The following SRD5A2 variants were observed in gnomAD, a reference collection of about 807,000 sequenced individuals.
SRD5A2 encodes the protein steroid 5 alpha-reductase 2.
Under a neutral mutation model 27.4 loss-of-function variants are expected in SRD5A2, and 30 were observed. The ratio of observed to expected loss-of-function variants is 1.10; its 90% CI spans 0.82 to 1.49. SRD5A2 has a LOEUF of 1.49. Among genes scored for constraint, SRD5A2 ranks in the 40% most tolerant of loss-of-function variants. The pLI is 0.00. For synonymous variants in SRD5A2, 141 were observed against 133.6 expected, an observed-to-expected ratio of 1.06 and a Z score of -0.38; for missense variants, 348 against 323.4, an observed-to-expected ratio of 1.08 and a Z score of -0.58.
At chr2:31,581,614 C>G (rs28382993), upstream of SRD5A2, among the ~76,000 whole-genome samples, 472 of 152,306 alleles carry the variant, frequency 3.1e-3, no homozygotes, top group African/African-American at 0.011. Flanking sequence ...GAGCCGCCTG[C>G]CTGGGTCAGA....
chr2:31,638,997 T>C, the SRD5A2 span, among the ~76,000 whole-genome samples: 1 of 152,090 alleles, frequency 6.6e-6, no homozygotes, highest in African/African-American at 2.4e-5. Context: ...TCTTCCCCCC[T>C]TCTTTTCCTA....
chr2:31,534,715 C>A (rs1665989367), intron 1 of SRD5A2, among the ~76,000 whole-genome samples: 1 of 152,180 alleles, frequency 6.6e-6, no homozygotes, highest in South Asian at 2.1e-4. Flanking sequence ...CAAGAAAGAG[C>A]AGACAAGATC....
chr2:31,642,227 C>A, the SRD5A2 span, among the ~76,000 whole-genome samples: 9 of 152,124 alleles, frequency 5.9e-5, no homozygotes, highest in South Asian at 1.9e-3. Flanking sequence ...TAATTCACAG[C>A]ACACACAAAA....
At chr2:31,601,614 A>G in the SRD5A2 span, among the ~76,000 whole-genome samples, 1 of 152,054 alleles carries the variant, frequency 6.6e-6, no homozygotes, top group Non-Finnish European at 1.5e-5. Context: ...ATACAACGAA[A>G]AAACTTCAGG....
the SRD5A2 span, among the ~76,000 whole-genome samples, chr2:31,653,445 G>C: frequency 2.6e-5 from 4 of 152,044 alleles, no homozygotes; most frequent in African/African-American, 9.7e-5. Flanking sequence ...TGTCACTGTT[G>C]GCTCTGGGAT....
the SRD5A2 span, among the ~76,000 whole-genome samples, chr2:31,619,313 A>T: frequency 1.3e-5 from 2 of 152,126 alleles, no homozygotes; most frequent in Non-Finnish European, 2.9e-5. Context: ...CTAAGTATGT[A>T]CCACATTTTC....
At chr2:31,617,612 C>T in the SRD5A2 span, among the ~76,000 whole-genome samples, 2 of 151,862 alleles carry the variant, frequency 1.3e-5, no homozygotes. Flanking sequence ...GAAATTTATT[C>T]CCTGGGATGC....
At position 31,578,728 on chromosome 2, in the gene SRD5A2, T is replaced by C. The variant is rs181698687; in HGVS notation, c.281+1892A>G. Among the ~76,000 whole-genome samples the C allele has an allele frequency of 3.9e-5, 6 of 152,338 alleles. No individual in the cohort carries two copies. The East Asian group carries it at 7.7e-4, about 20-fold the overall frequency. On this transcript the variant is annotated intron_variant, in intron 1 of 4. Transcript: ENST00000622030. ...CAAGTCCTTTACTAATATTTTAAAA[T>C]TTCCTCTGAAGAAGGACAATATGTA...
the SRD5A2 span, among the ~76,000 whole-genome samples, chr2:31,586,679 C>T: frequency 1.3e-5 from 2 of 152,190 alleles, no homozygotes; most frequent in Non-Finnish European, 2.9e-5. Context: ...AGAACCATAG[C>T]ATTACTGGGA....
chr2:31,642,191 T>C, the SRD5A2 span, among the ~76,000 whole-genome samples: 1 of 152,084 alleles, frequency 6.6e-6, no homozygotes, highest in African/African-American at 2.4e-5. Context: ...GATGTCCATA[T>C]ACCAAACATA....
At chr2:31,651,154 C>A in the SRD5A2 span, among the ~76,000 whole-genome samples, 5 of 152,288 alleles carry the variant, frequency 3.3e-5, no homozygotes, top group Middle Eastern at 3.4e-3. Context: ...GTATATCCCA[C>A]CCATCCCTGG....
the SRD5A2 span, among the ~76,000 whole-genome samples, chr2:31,641,064 G>A: frequency 6.6e-6 from 1 of 152,032 alleles, no homozygotes; most frequent in Admixed American, 6.6e-5. Context: ...ACTTCTCTAT[G>A]GCCCTGGGAA....
At chr2:31,532,889 G>A (rs1665945704) in intron 2 of SRD5A2, among the ~76,000 whole-genome samples, 1 of 152,002 alleles carries the variant, frequency 6.6e-6, no homozygotes, top group African/African-American at 2.4e-5. Context: ...TTGAGGAGGT[G>A]CAAATTGGTA....
chr2:31,621,196 C>G, the SRD5A2 span, among the ~76,000 whole-genome samples: 2 of 151,822 alleles, frequency 1.3e-5, no homozygotes, highest in Non-Finnish European at 2.9e-5. Flanking sequence ...AATCAAGATA[C>G]AGAATAATGT....
Position 31,526,242 on chromosome 2 carries a change from T to C in SRD5A2, c.719A>G (p.Glu240Gly). 1 of 1,587,202 alleles carries C rather than the reference T, an allele frequency of 6.3e-7. No individual in the cohort carries two copies. Among genetic ancestry groups the C allele is most frequent in the South Asian group, 1.2e-5 (1 of 86,728 alleles). Reference protein sequence around the residue: ...HHHRFYLKMFEDYPKSRKALI... With the variant: ...HHHRFYLKMFGDYPKSRKALI... The stretch of plus-strand genomic sequence containing the variant: ...GGCTTTCCGAGATTTGGGGTAGTCC[T>C]CAAACATCTTGAGGTAGAACCTAAA... Residue 240 changes from glutamate (E) to glycine (G), a missense_variant, in exon 5 of 5, where the codon GAG becomes GGG. Coordinates refer to ENST00000622030, the MANE Select transcript of SRD5A2 (RefSeq NM_000348.4).
chr2:31,580,897 G>A lies in SRD5A2; in HGVS notation c.4C>T (p.Gln2Ter). 6.3e-7 allele frequency: 1 copy of A among 1,595,776 alleles called. No homozygotes were observed. Among genetic ancestry groups the A allele is most frequent in the Non-Finnish European group, 8.6e-7 (1 of 1,169,158 alleles). The stretch of plus-strand genomic sequence containing the variant: ...ACTGGGCTCTGCTGGCACTGAACCT[G>A]CATCGCGCCGTGTTCCTCGCCGGTG... The part of the protein sequence containing the change: M[Q>*]VQCQQSPVLA... Residue 2 changes from glutamine (Q) to a stop codon, truncating the protein, a stop_gained, in exon 1 of 5, where the codon CAG becomes TAG. Transcript: ENST00000622030. LOFTEE classifies it high-confidence loss of function.
At chr2:31,615,611 C>T in the SRD5A2 span, among the ~76,000 whole-genome samples, 1 of 152,094 alleles carries the variant, frequency 6.6e-6, no homozygotes, top group South Asian at 2.1e-4. Context: ...AGGGAAACAG[C>T]ATAAAATTTT....
At chr2:31,544,092 C>CA (rs1289512603) in intron 1 of SRD5A2, among the ~76,000 whole-genome samples, 1 of 151,418 alleles carries the variant, frequency 6.6e-6, no homozygotes, top group East Asian at 1.9e-4. Context: ...TTACAAGAAA[C>CA]AAAAAAAGTA....
At chr2:31,579,271 G>C (rs1029212392) in intron 1 of SRD5A2, among the ~76,000 whole-genome samples, 1 of 152,218 alleles carries the variant, frequency 6.6e-6, no homozygotes, top group Non-Finnish European at 1.5e-5. Context: ...CAGAGGATAA[G>C]AGGAAATTAA....
Sources: gnomAD v4.1 joint callset for allele counts (sites outside exome capture counted in the v4.1 genomes callset) on GRCh38, gnomAD v4.1.1 for gene constraint, MANE v1.5 for transcripts, NCBI Gene and HGNC (gene_info 2026-07-23, HGNC 2026-07-21) for gene names.